Variants in CYP19A1 observed in about 807,000 individuals in gnomAD.
CYP19A1 encodes the protein cytochrome P450 family 19 subfamily A member 1.
CYP19A1 carries 32 observed loss-of-function variants against 44.4 expected under a neutral mutation model. The observed-to-expected ratio is 0.72, with a 90% CI of 0.54 to 0.97. CYP19A1 has a LOEUF of 0.97. CYP19A1 is among the 50% of genes least tolerant of loss of function. The pLI is 0.00. For missense variants in CYP19A1, 598 were observed against 637.8 expected (o/e 0.94, Z 0.67); for synonymous variants, 212 against 215.6 (o/e 0.98, Z 0.14).
At chr15:51,294,347 C>T (rs1202057159) in intron 1 of CYP19A1, among the ~76,000 whole-genome samples, 2 of 147,026 alleles carry the variant, frequency 1.4e-5, no homozygotes, top group African/African-American at 2.5e-5. Context: ...ATGTGAGGAG[C>T]GCCTCTGCCC....
At chr15:51,274,462 A>AACTG (rs1172686408) in intron 1 of CYP19A1, among the ~76,000 whole-genome samples, 1 of 152,202 alleles carries the variant, frequency 6.6e-6, no homozygotes, top group African/African-American at 2.4e-5. Context: ...TCTGAGGATG[A>AACTG]ACTGAAGTGT....
intron 1 of CYP19A1, among the ~76,000 whole-genome samples, chr15:51,308,314 G>A (rs929737726): frequency 4.6e-5 from 7 of 152,268 alleles, no homozygotes; most frequent in Admixed American, 3.3e-4. Flanking sequence ...CCACCAAGTC[G>A]GTCCTCTGTC....
chr15:51,292,877 G>A (rs1270258926), intron 1 of CYP19A1, among the ~76,000 whole-genome samples: 4 of 151,826 alleles, frequency 2.6e-5, no homozygotes, highest in Non-Finnish European at 4.4e-5. Flanking sequence ...GTGGACACAG[G>A]TCTGGTCCCC....
chr15:51,228,364 C>T (rs990644448), intron 3 of CYP19A1, among the ~76,000 whole-genome samples: 1 of 152,214 alleles, frequency 6.6e-6, no homozygotes, highest in African/African-American at 2.4e-5. Flanking sequence ...AAGAGTGAGC[C>T]ACAGAATCAG....
chr15:51,254,880 G>A (rs1196977388), intron 1 of CYP19A1, among the ~76,000 whole-genome samples: 1 of 152,162 alleles, frequency 6.6e-6, no homozygotes, highest in African/African-American at 2.4e-5. Flanking sequence ...CTTTCAAGGT[G>A]TTGGCATTCC....
intron 1 of CYP19A1, among the ~76,000 whole-genome samples, chr15:51,294,917 G>T (rs1331648465): frequency 6.6e-6 from 1 of 151,896 alleles, no homozygotes; most frequent in Non-Finnish European, 1.5e-5. Context: ...AAATAGGATG[G>T]TTGCTGTGTC....
chr15:51,254,260 T>A (rs1192191705), intron 1 of CYP19A1, among the ~76,000 whole-genome samples: 5 of 152,156 alleles, frequency 3.3e-5, no homozygotes, highest in African/African-American at 9.7e-5. Flanking sequence ...CAAATAATTT[T>A]AAAATTTTTC....
At chr15:51,245,376 A>C (rs56114735) in intron 1 of CYP19A1, among the ~76,000 whole-genome samples, 19,860 of 152,202 alleles carry the variant, frequency 0.13, 1,579 homozygotes, top group African/African-American at 0.2. Context: ...GTTTTAGGGT[A>C]CATGTGCACA....
At chr15:51,337,182 C>T (rs777520321) in intron 1 of CYP19A1, among the ~76,000 whole-genome samples, 1 of 152,224 alleles carries the variant, frequency 6.6e-6, no homozygotes, top group African/African-American at 2.4e-5. Context: ...TGGCACAAGT[C>T]CCTGCTGTGA....
intron 1 of CYP19A1, among the ~76,000 whole-genome samples, chr15:51,333,241 C>T (rs1051290120): frequency 3.3e-5 from 5 of 152,188 alleles, no homozygotes; most frequent in African/African-American, 7.2e-5. Context: ...TCTCTGGGCT[C>T]AGGGCCAGCA....
At chr15:51,273,550 G>C (rs893691156) in intron 1 of CYP19A1, among the ~76,000 whole-genome samples, 6 of 152,048 alleles carry the variant, frequency 3.9e-5, no homozygotes, top group Admixed American at 3.9e-4. Context: ...ATGGTACAGA[G>C]GAAAGAGCAC....
intron 1 of CYP19A1, among the ~76,000 whole-genome samples, chr15:51,245,640 T>C (rs2034019609): frequency 6.6e-6 from 1 of 152,102 alleles, no homozygotes; most frequent in Non-Finnish European, 1.5e-5. Context: ...AGGGCTAATA[T>C]CCAGAATCTA....
At chr15:51,257,899 A>G (rs2034574023) in intron 1 of CYP19A1, among the ~76,000 whole-genome samples, 1 of 152,238 alleles carries the variant, frequency 6.6e-6, no homozygotes, top group Non-Finnish European at 1.5e-5. Flanking sequence ...ACATGCATGC[A>G]TATACTTCTA....
At chr15:51,323,856 TC>T (rs900013034) in intron 1 of CYP19A1, 1 of 152,082 alleles carries the variant, frequency 6.6e-6, no homozygotes, top group Admixed American at 6.6e-5. Context: ...TGCGGATTTT[TC>T]CCCCCAAGAA....
chr15:51,212,480 G>C lies in CYP19A1; in HGVS notation c.1103C>G (p.Pro368Arg). 1 of 1,602,184 alleles carries C rather than the reference G, an allele frequency of 6.2e-7. No homozygotes were observed. The highest frequency in any genetic ancestry group is 8.6e-7 in the Non-Finnish European group (1 of 1,169,058). The change falls in exon 9 of 10, where the codon CCT becomes CGT. Residue 368 changes from proline to arginine, a missense_variant. Physicochemically the swap from Pro to Arg is moderately radical, Grantham distance 103. Transcript: ENST00000396402. ...TTTGCGCATGACCAAGTCCACGACAGGCTGGTACCGCATGCTCTCATAAAT... is the reference window on the plus strand; with the variant it reads ...TTTGCGCATGACCAAGTCCACGACACGCTGGTACCGCATGCTCTCATAAAT... ...NFIYESMRYQ[P>R]VVDLVMRKAL...
At position 51,297,601 on chromosome 15, in the gene CYP19A1, A is replaced by G. The variant is rs8041048; in HGVS notation, c.-39+40894T>C. 6.8e-4 allele frequency among the ~76,000 whole-genome samples: 103 copies of G among 152,018 alleles called. 1 individual carries two copies. The highest frequency in any genetic ancestry group is 2.0e-3 in the African/African-American group (81 of 41,460). ...AGCTACCTCAGCTTCCATGATTTCA[A>G]TAAGGCTTTCCTGCAGACACCCCCA... is the stretch of plus-strand genomic sequence containing the variant. On this transcript the variant is annotated intron_variant, in intron 1 of 9. Transcript: ENST00000396402.
At chr15:51,246,258 C>T (rs1436746728) in intron 1 of CYP19A1, among the ~76,000 whole-genome samples, 1 of 152,140 alleles carries the variant, frequency 6.6e-6, no homozygotes, top group Non-Finnish European at 1.5e-5. Flanking sequence ...ATACCCTCCC[C>T]TCACCCCCAA....
At chr15:51,286,065 C>A (rs1015256159) in intron 1 of CYP19A1, among the ~76,000 whole-genome samples, 4 of 152,166 alleles carry the variant, frequency 2.6e-5, no homozygotes, top group Non-Finnish European at 5.9e-5. Flanking sequence ...AAAGGGAAGG[C>A]CAGACCCATT....
In CYP19A1 at chr15:51,262,142, C is replaced by T. The variant is rs186418323; in HGVS notation, c.-38-19192G>A. On this transcript the variant is annotated intron_variant, in intron 1 of 9. Transcript: ENST00000396402. ...ACCACTTAAAGGCGTTCCTAAGCCACAAACAATAGCATGAGCGATCTGTGC... is the reference window on the plus strand; with the variant it reads ...ACCACTTAAAGGCGTTCCTAAGCCATAAACAATAGCATGAGCGATCTGTGC... Among the ~76,000 whole-genome samples, 677 of 152,358 alleles carry T rather than the reference C, an allele frequency of 4.4e-3. 4 individuals are homozygous for T. The highest frequency in any genetic ancestry group is 0.015 in the African/African-American group (643 of 41,576).
Sources: gnomAD v4.1 joint callset for allele counts (sites outside exome capture counted in the v4.1 genomes callset) on GRCh38, gnomAD v4.1.1 for gene constraint, MANE v1.5 for transcripts, NCBI Gene and HGNC (gene_info 2026-07-23, HGNC 2026-07-21) for gene names.